The following EPB41L1 variants were observed in gnomAD, a reference collection of about 807,000 sequenced individuals.
The protein encoded by EPB41L1 is erythrocyte membrane protein band 4.1 like 1.
In EPB41L1, 29 loss-of-function variants were observed where a neutral mutation model predicts 97.8. That is an observed-to-expected ratio of 0.30 (90% CI 0.22 to 0.40). EPB41L1 has a LOEUF of 0.40. Ranked by LOEUF, EPB41L1 falls within the 10% of genes least tolerant of loss-of-function variation. The pLI, the probability that EPB41L1 is intolerant of heterozygous loss-of-function variation, is 1.00. For missense variants in EPB41L1, 812 were observed against 1,162.3 expected (o/e 0.70, Z 4.38); for synonymous variants, 383 against 459.2 (o/e 0.83, Z 2.12).
chr20:36,161,770 G>A (rs1163261571), intron 1 of EPB41L1, among the ~76,000 whole-genome samples: 1 of 148,544 alleles, frequency 6.7e-6, no homozygotes, highest in African/African-American at 2.5e-5. Context: ...CGTTATTCTT[G>A]TTTTTTTAAA....
In EPB41L1 at chr20:36,103,706, T is replaced by TTC. The variant is rs201732726; in HGVS notation, c.-64-8719_-64-8718insCT. Among the ~76,000 whole-genome samples the TTC allele has an allele frequency of 4.3e-3, 607 of 140,302 alleles. 3 individuals are homozygous for TTC. Among genetic ancestry groups the TTC allele is most frequent in the African/African-American group, 0.016 (570 of 34,850 alleles). 92.0% of individuals were successfully genotyped at this position (140,302 alleles called of 152,430 possible). ...ATTACCATTGTTTCTTTTTCTTTCT[T>TTC]TTTTTTTTTTTTTTTGAGACAGAGT... On this transcript the variant is annotated intron_variant, in intron 1 of 19. Transcript: ENST00000202028.
chr20:36,137,082 T>C (rs1427472415), intron 2 of EPB41L1, among the ~76,000 whole-genome samples: 3 of 150,630 alleles, frequency 2.0e-5, no homozygotes, highest in Non-Finnish European at 4.4e-5. Flanking sequence ...TTTCCTTTTT[T>C]TTTTTTTTTT....
intron 2 of EPB41L1, chr20:36,122,812 G>C (rs1053249694): frequency 1.3e-5 from 2 of 152,228 alleles, no homozygotes; most frequent in African/African-American, 4.8e-5. Flanking sequence ...GTACAATGGG[G>C]CTTTGGGCTC....
Position 36,195,898 on chromosome 20 carries a change from C to T in EPB41L1, c.1485+534C>T, listed in dbSNP as rs545159867. Among the ~76,000 whole-genome samples the T allele has an allele frequency of 7.9e-5, 12 of 152,310 alleles. No individual in the cohort carries two copies. Among genetic ancestry groups the T allele is most frequent in the East Asian group, 3.9e-4 (2 of 5,174 alleles). On this transcript the variant is annotated intron_variant, in intron 13 of 21. Coordinates refer to ENST00000338074, the MANE Select transcript of EPB41L1 (RefSeq NM_012156.2). This position sits in a 1 kb window ranked among gnomAD's most constrained non-coding sequence, Gnocchi z 4.6. ...GGGGAGGGAGGTGCCTCAGAGCACA[C>T]CTGCATCTGCCCCAACTCCAGTCCT...
intron 2 of EPB41L1, chr20:36,148,753 G>C (rs2059932141): frequency 6.6e-6 from 1 of 152,478 alleles, no homozygotes; most frequent in East Asian, 1.9e-4. Flanking sequence ...TGTACAGGGG[G>C]CTTGGCTGTG....
chr20:36,151,355 A>C (rs1300601205), upstream of EPB41L1: 1 of 152,244 alleles, frequency 6.6e-6, no homozygotes, highest in Non-Finnish European at 1.5e-5. Flanking sequence ...ACAGCAGCCC[A>C]GTGACAGACA....
chr20:36,100,594 G>C (rs528210032), intron 1 of EPB41L1, among the ~76,000 whole-genome samples: 1 of 152,138 alleles, frequency 6.6e-6, no homozygotes, highest in Admixed American at 6.6e-5. Flanking sequence ...GATCCCCGTC[G>C]TATTACAGGA....
intron 21 of EPB41L1, among the ~76,000 whole-genome samples, chr20:36,223,557 T>G (rs1470519418): frequency 1.3e-5 from 2 of 152,128 alleles, no homozygotes; most frequent in African/African-American, 4.8e-5. Context: ...CCATAGACAT[T>G]GAGTTGGATA....
chr20:36,194,794 C>CA (rs1015223243), intron 12 of EPB41L1, among the ~76,000 whole-genome samples: 2 of 152,186 alleles, frequency 1.3e-5, no homozygotes, highest in African/African-American at 4.8e-5. Flanking sequence ...CAGGTGCACA[C>CA]ACACAGTCCC....
intron 14 of EPB41L1, among the ~76,000 whole-genome samples, chr20:36,199,234 A>G (rs981133218): frequency 3.3e-5 from 5 of 152,132 alleles, no homozygotes; most frequent in African/African-American, 1.2e-4. Context: ...AGATAGGGGC[A>G]CCGAGACCCA....
At chr20:36,113,819 G>C (rs1214329365) in intron 2 of EPB41L1, 2 of 152,618 alleles carry the variant, frequency 1.3e-5, no homozygotes, top group Non-Finnish European at 2.9e-5. Context: ...CATAGGGAAG[G>C]TGGGGCTCCG....
intron 2 of EPB41L1, among the ~76,000 whole-genome samples, chr20:36,124,201 G>A (rs1440115082): frequency 2.0e-5 from 3 of 152,188 alleles, no homozygotes; most frequent in African/African-American, 4.8e-5. Flanking sequence ...CTTGCAGTGA[G>A]CCGAGATCGC....
chr20:36,106,468 G>A (rs1409295798), intron 1 of EPB41L1, among the ~76,000 whole-genome samples: 2 of 152,196 alleles, frequency 1.3e-5, no homozygotes, highest in Non-Finnish European at 2.9e-5. Flanking sequence ...TTACCTCTGT[G>A]AGCCACAGCC....
At chr20:36,103,704 C>CTTTTTT (rs398038437) in intron 1 of EPB41L1, among the ~76,000 whole-genome samples, 3 of 135,760 alleles carry the variant, frequency 2.2e-5, no homozygotes, top group Non-Finnish European at 3.2e-5. Context: ...CTTTTTCTTT[C>CTTTTTT]TTTTTTTTTT....
rs1418927297 is a variant in EPB41L1, at chr20:36,207,267, A to G, written c.1669-2221A>G. ...TAGGGTTTGTGGTGTCCCCTGCCACAGGAGGTGAGCGCAGGCCTCCTCCCA... is the reference window on the plus strand; with the variant it reads ...TAGGGTTTGTGGTGTCCCCTGCCACGGGAGGTGAGCGCAGGCCTCCTCCCA... On this transcript the variant is annotated intron_variant, in intron 14 of 21. Transcript: ENST00000338074. This position sits in a 1 kb window ranked among gnomAD's most constrained non-coding sequence, Gnocchi z 4.9. The G allele has an allele frequency of 7.8e-7, 1 of 1,277,700 alleles. No homozygotes were observed. The highest frequency in any genetic ancestry group is 2.4e-5 in the Admixed American group (1 of 42,524). 79.1% of individuals were successfully genotyped at this position (1,277,700 alleles called of 1,614,324 possible). A position where few individuals can be genotyped will look rare whatever the true frequency, so the allele number is the denominator to read the frequency against.
Position 36,209,933 on chromosome 20 carries a change from G to A in EPB41L1, c.2079+35G>A. The A allele has an allele frequency of 3.7e-6, 6 of 1,608,804 alleles. No individual in the cohort carries two copies. The highest frequency in any genetic ancestry group is 1.7e-5 in the Admixed American group (1 of 59,606). On this transcript the variant is annotated intron_variant, in intron 15 of 21. Transcript: ENST00000338074. This position sits in a 1 kb window ranked among gnomAD's most constrained non-coding sequence, Gnocchi z 4.2. Reference sequence around the variant, plus strand: ...AGCTTCCTCAAGAGCCAGGCCCGCTGGGCACCGCATGCTCAGAGGGCCCTG... The same window carrying A: ...AGCTTCCTCAAGAGCCAGGCCCGCTAGGCACCGCATGCTCAGAGGGCCCTG...
In EPB41L1 at chr20:36,219,625, G is replaced by T; in HGVS notation, c.2356-136G>T. The stretch of plus-strand genomic sequence containing the variant: ...GTTTTCTGAAGATTCTAGTATTCTT[G>T]AATTCTTAATGGCTGAAAGCATCTT... On this transcript the variant is annotated intron_variant, in intron 18 of 21. Coordinates refer to ENST00000338074, the MANE Select transcript of EPB41L1 (RefSeq NM_012156.2). 6.8e-6 allele frequency: 5 copies of T among 740,648 alleles called. No individual in the cohort carries two copies. The South Asian group carries it at 7.4e-5, about 11-fold the overall frequency. The allele number at this position is 740,648 out of a possible 1,614,324, so 45.9% of individuals were successfully genotyped here.
At position 36,154,964 on chromosome 20, in the gene EPB41L1, G is replaced by A; in HGVS notation, c.-15+68G>A. The A allele has an allele frequency of 8.6e-7, 1 of 1,163,094 alleles. No individual in the cohort carries two copies. The highest frequency in any genetic ancestry group is 1.1e-6 in the Non-Finnish European group (1 of 919,620). The allele number at this position is 1,163,094 out of a possible 1,614,324, so 72.0% of individuals were successfully genotyped here. A position where few individuals can be genotyped will look rare whatever the true frequency, so the allele number is the denominator to read the frequency against. On this transcript the variant is annotated intron_variant, in intron 1 of 21. Coordinates refer to ENST00000338074, the MANE Select transcript of EPB41L1 (RefSeq NM_012156.2). This position sits in a 1 kb window ranked among gnomAD's most constrained non-coding sequence, Gnocchi z 5.5. ...TTGCAACATCTAGGCCCAGCCTCCAGCCCTGGGGAGGAACGGGGGCGAGGC... is the reference window on the plus strand; with the variant it reads ...TTGCAACATCTAGGCCCAGCCTCCAACCCTGGGGAGGAACGGGGGCGAGGC...
At chr20:36,110,028 G>A (rs2147578897) in intron 1 of EPB41L1, 1 of 149,906 alleles carries the variant, frequency 6.7e-6, no homozygotes, top group South Asian at 2.1e-4. Flanking sequence ...CGCGACCTCT[G>A]CCTCCTGGGT....
Sources: gnomAD v4.1 joint callset for allele counts (sites outside exome capture counted in the v4.1 genomes callset) on GRCh38, gnomAD v4.1.1 for gene constraint, Gnocchi (gnomAD v3.1) non-coding constraint, MANE v1.5 for transcripts, NCBI Gene and HGNC (gene_info 2026-07-23, HGNC 2026-07-21) for gene names.